The following TUSC3 variants were observed in gnomAD, a reference collection of about 807,000 sequenced individuals.
TUSC3 encodes the protein dolichyl-diphosphooligosaccharide--protein glycosyltransferase subunit TUSC3.
Under a neutral mutation model 44.8 loss-of-function variants are expected in TUSC3, and 45 were observed. That is an observed-to-expected ratio of 1.00 (90% CI 0.79 to 1.29). TUSC3 has a LOEUF of 1.29. Ranked by LOEUF, TUSC3 falls within the 50% of genes most tolerant of loss-of-function variation. TUSC3 has a pLI of 0.00. For synonymous variants in TUSC3, 212 were observed against 152.9 expected, an observed-to-expected ratio of 1.39 and a Z score of -2.85; for missense variants, 519 against 437.9, an observed-to-expected ratio of 1.19 and a Z score of -1.65.
rs140931595 is a variant in TUSC3 at position 15,730,995 on chromosome 8, T to C, written c.862+266T>C. On this transcript the variant is annotated intron_variant, in intron 7 of 10. Coordinates refer to ENST00000503731, the MANE Select transcript of TUSC3 (RefSeq NM_006765.4). Reference sequence around the variant, plus strand: ...ACTTTTACTCTACATTGATGATCTCTGGCTAGATTTTTTCAAGTGTATATG... The same window carrying C: ...ACTTTTACTCTACATTGATGATCTCCGGCTAGATTTTTTCAAGTGTATATG... 4.9e-4 allele frequency among the ~76,000 whole-genome samples: 74 copies of C among 152,268 alleles called. No individual in the cohort carries two copies. The East Asian group carries it at 0.013, about 27-fold the overall frequency.
In TUSC3 at chr8:15,662,214, C is replaced by T. The variant is rs1807453671; in HGVS notation, c.626C>T (p.Ser209Leu). The change falls in exon 5 of 11, where the codon TCG (serine) becomes TTG (leucine). Residue 209 changes from serine (S) to leucine (L), a missense_variant. Transcript: ENST00000503731. ...ACCATTGCTTTGGCCCTGTTAGTGT[C>T]GCTTGTTGGAGGTTTGCTTTATTTG... ...SGTIALALLV[S>L]LVGGLLYLRR... 4.3e-6 allele frequency: 7 copies of T among 1,613,082 alleles called. No individual in the cohort carries two copies. The highest frequency in any genetic ancestry group is 1.1e-5 in the South Asian group (1 of 91,068).
chr8:15,800,778 C>G, the TUSC3 span, among the ~76,000 whole-genome samples: 3 of 152,018 alleles, frequency 2.0e-5, no homozygotes, highest in Admixed American at 6.6e-5. Flanking sequence ...ATAGTAACAC[C>G]CTTTTTCAAA....
chr8:15,763,105 T>C (rs1197264505), intron 10 of TUSC3, among the ~76,000 whole-genome samples: 1 of 151,936 alleles, frequency 6.6e-6, no homozygotes, highest in East Asian at 1.9e-4. Context: ...ATTGATGTTA[T>C]ATAATATACA....
intron 1 of TUSC3, among the ~76,000 whole-genome samples, chr8:15,575,873 C>T (rs943708761): frequency 1.3e-5 from 2 of 152,000 alleles, no homozygotes; most frequent in Non-Finnish European, 2.9e-5. Flanking sequence ...AAAATTGCTT[C>T]CATGCCCAAG....
chr8:15,562,546 G>C lies in TUSC3; in HGVS notation c.138+21978G>C, dbSNP rs555152800. Among the ~76,000 whole-genome samples, 8 of 152,248 alleles carry C rather than the reference G, an allele frequency of 5.3e-5. No homozygotes were observed. The South Asian group carries it at 1.7e-3, about 32-fold the overall frequency. ...ATGTCAGAAGTCTGGGCATGGTGTA[G>C]CTGGATTCTGTCTCTGTTAAGGGTC... is the stretch of plus-strand genomic sequence containing the variant. On this transcript the variant is annotated intron_variant, in intron 1 of 10. Coordinates refer to ENST00000503731, the MANE Select transcript of TUSC3 (RefSeq NM_006765.4).
At chr8:15,808,268 A>G in the TUSC3 span, among the ~76,000 whole-genome samples, 1 of 152,134 alleles carries the variant, frequency 6.6e-6, no homozygotes, top group African/African-American at 2.4e-5. Flanking sequence ...TTTGTTTCAA[A>G]TATTGGTTAT....
At chr8:15,757,139 A>G (rs951458782) in intron 9 of TUSC3, among the ~76,000 whole-genome samples, 1 of 152,150 alleles carries the variant, frequency 6.6e-6, no homozygotes, top group Non-Finnish European at 1.5e-5. Context: ...TCTGTCTCTA[A>G]AAAAACTCGT....
At chr8:15,424,685 C>T (rs372938903) in intron 1 of TUSC3, among the ~76,000 whole-genome samples, 10 of 152,188 alleles carry the variant, frequency 6.6e-5, no homozygotes, top group African/African-American at 2.4e-4. Context: ...TCGAGACTAT[C>T]CTGGCTAACA....
At chr8:15,596,632 A>G (rs1422714539) in intron 1 of TUSC3, among the ~76,000 whole-genome samples, 1 of 152,156 alleles carries the variant, frequency 6.6e-6, no homozygotes, top group East Asian at 1.9e-4. Context: ...TATTATGTTA[A>G]TGTCTTCGTA....
rs6995062 is a variant in TUSC3, at chr8:15,667,137, C to T, written c.708+4841C>T. ...TTCATGCACGGCTCATCTCCTTAATCCAACTCAATAGTGGTTATAAATACT... is the reference window on the plus strand; with the variant it reads ...TTCATGCACGGCTCATCTCCTTAATTCAACTCAATAGTGGTTATAAATACT... On this transcript the variant is annotated intron_variant, in intron 5 of 10. Coordinates refer to ENST00000503731, the MANE Select transcript of TUSC3 (RefSeq NM_006765.4). 1.1e-4 allele frequency among the ~76,000 whole-genome samples: 17 copies of T among 151,690 alleles called. No individual in the cohort carries two copies. In the South Asian group the frequency reaches 1.9e-3, roughly 17 times the overall value.
rs568941379 is a variant in TUSC3, at chr8:15,654,745, C to T, written c.426+3931C>T. ...CCAGGATATTGAGGTTGCAGTGAGC[C>T]GAGATCGTGCCATTGCCCTCCAGCC... On this transcript the variant is annotated intron_variant, in intron 3 of 10. Transcript: ENST00000503731. Among the ~76,000 whole-genome samples the T allele has an allele frequency of 1.5e-4, 23 of 151,952 alleles. No individual in the cohort carries two copies. In the East Asian group the frequency reaches 1.9e-3, roughly 13 times the overall value.
At chr8:15,795,926 TCAAA>T in the TUSC3 span, among the ~76,000 whole-genome samples, 1 of 152,136 alleles carries the variant, frequency 6.6e-6, no homozygotes, top group South Asian at 2.1e-4. Flanking sequence ...ATGATCAAAC[TCAAA>T]CAGCCACAGC....
At chr8:15,540,123 C>G (rs957821170), upstream of TUSC3, 2 of 358,250 alleles carry the variant, frequency 5.6e-6, no homozygotes, top group Non-Finnish European at 1.0e-5. Flanking sequence ...CACTCCTCTC[C>G]TCAGCGCTGG....
At chr8:15,846,090 T>A in the TUSC3 span, among the ~76,000 whole-genome samples, 8 of 152,112 alleles carry the variant, frequency 5.3e-5, no homozygotes, top group Admixed American at 4.6e-4. Flanking sequence ...AAGACTGGCT[T>A]CCATGATTCA....
chr8:15,780,183 G>A, the TUSC3 span, among the ~76,000 whole-genome samples: 1 of 152,202 alleles, frequency 6.6e-6, no homozygotes, highest in African/African-American at 2.4e-5. Context: ...AGAAAATCAG[G>A]AATTCAAAGA....
chr8:15,608,918 C>G (rs748465159), intron 1 of TUSC3, among the ~76,000 whole-genome samples: 2 of 152,266 alleles, frequency 1.3e-5, no homozygotes, highest in South Asian at 4.1e-4. Context: ...ATCTTTGATT[C>G]TACTCCCAAA....
At chr8:15,708,031 C>T (rs571073470) in intron 6 of TUSC3, among the ~76,000 whole-genome samples, 35 of 151,964 alleles carry the variant, frequency 2.3e-4, no homozygotes, top group Admixed American at 2.1e-3. Flanking sequence ...TTTTCTGTCT[C>T]TTATAAAGTT....
chr8:15,835,237 A>T, the TUSC3 span, among the ~76,000 whole-genome samples: 1 of 152,204 alleles, frequency 6.6e-6, no homozygotes, highest in Admixed American at 6.5e-5. Flanking sequence ...TTATTTACGT[A>T]GAGTTGAAAA....
the TUSC3 span, among the ~76,000 whole-genome samples, chr8:15,821,416 A>C: frequency 1.5e-5 from 2 of 136,902 alleles, no homozygotes; most frequent in African/African-American, 5.4e-5. Context: ...CTGATGTGTA[A>C]ATTTATGTCT....
Sources: gnomAD v4.1 joint callset for allele counts (sites outside exome capture counted in the v4.1 genomes callset) on GRCh38, gnomAD v4.1.1 for gene constraint, MANE v1.5 for transcripts, NCBI Gene and HGNC (gene_info 2026-07-23, HGNC 2026-07-21) for gene names.